The following SH3BGRL2 variants were observed in gnomAD, a reference collection of about 807,000 sequenced individuals.
SH3BGRL2 encodes the protein SH3 domain binding glutamate rich protein like 2.
SH3BGRL2 carries 21 observed loss-of-function variants against 14.8 expected under a neutral mutation model. That is an observed-to-expected ratio of 1.42 (90% CI 1.01 to 2.05). The LOEUF is 2.05. Ranked by LOEUF, SH3BGRL2 falls within the 30% of genes most tolerant of loss-of-function variation. SH3BGRL2 has a pLI of 0.00. For missense variants in SH3BGRL2, 147 were observed against 130.8 expected (o/e 1.12, Z -0.61); for synonymous variants, 50 against 47.8 (o/e 1.05, Z -0.19).
At chr6:79,675,804 A>G (rs1410322033) in intron 2 of SH3BGRL2, among the ~76,000 whole-genome samples, 1 of 146,848 alleles carries the variant, frequency 6.8e-6, no homozygotes, top group African/African-American at 2.5e-5. Flanking sequence ...AATATGATTT[A>G]TTTGAAGTTT....
chr6:79,573,441 G>C, the SH3BGRL2 span, among the ~76,000 whole-genome samples: 1 of 152,042 alleles, frequency 6.6e-6, no homozygotes, highest in African/African-American at 2.4e-5. Flanking sequence ...CCACTTTGTA[G>C]TTTTTCTTCA....
the SH3BGRL2 span, among the ~76,000 whole-genome samples, chr6:79,552,149 C>A: frequency 6.6e-6 from 1 of 152,168 alleles, no homozygotes; most frequent in African/African-American, 2.4e-5. Flanking sequence ...TGTAACCTGG[C>A]AGGAGCCAGT....
At position 79,700,579 on chromosome 6, in the gene SH3BGRL2, C is replaced by T. The variant is rs1770434320; in HGVS notation, c.*1070C>T. The T allele has an allele frequency of 6.6e-6, 1 of 152,026 alleles. No homozygotes were observed. The highest frequency in any genetic ancestry group is 1.5e-5 in the Non-Finnish European group (1 of 68,014). 9.4% of individuals were successfully genotyped at this position (152,026 alleles called of 1,614,324 possible). ...GCTCATATTTCTGGCCAATGTACAG[C>T]CTCATATTTTTCAGAGTAATACAGA... On this transcript the variant is annotated 3_prime_UTR_variant, in exon 4 of 4. Coordinates refer to ENST00000369838, the MANE Select transcript of SH3BGRL2 (RefSeq NM_031469.4).
At chr6:79,651,445 C>T (rs557465911) in intron 1 of SH3BGRL2, among the ~76,000 whole-genome samples, 7 of 152,130 alleles carry the variant, frequency 4.6e-5, no homozygotes, top group African/African-American at 1.7e-4. Flanking sequence ...CAGTAAAATC[C>T]AACCACCCTC....
the SH3BGRL2 span, among the ~76,000 whole-genome samples, chr6:79,576,077 T>A: frequency 6.6e-6 from 1 of 152,166 alleles, no homozygotes; most frequent in African/African-American, 2.4e-5. Context: ...TGATAGCCTA[T>A]TCCCTAAACA....
At chr6:79,676,639 G>GTGTA (rs1485006997) in intron 2 of SH3BGRL2, among the ~76,000 whole-genome samples, 1 of 137,628 alleles carries the variant, frequency 7.3e-6, no homozygotes, top group South Asian at 2.3e-4. Context: ...GTGTGTGTGT[G>GTGTA]TATATATATA....
the SH3BGRL2 span, among the ~76,000 whole-genome samples, chr6:79,624,844 C>A: frequency 3.3e-5 from 5 of 151,332 alleles, no homozygotes; most frequent in African/African-American, 1.2e-4. Flanking sequence ...AAATAAAGAA[C>A]CCTATTGGTT....
the SH3BGRL2 span, among the ~76,000 whole-genome samples, chr6:79,588,135 T>C: frequency 6.6e-6 from 1 of 151,626 alleles, no homozygotes; most frequent in African/African-American, 2.4e-5. Context: ...CTACTAAAAA[T>C]ACAAAAAATT....
At chr6:79,540,460 A>AAAT in the SH3BGRL2 span, among the ~76,000 whole-genome samples, 1 of 148,070 alleles carries the variant, frequency 6.8e-6, no homozygotes, top group Non-Finnish European at 1.5e-5. Flanking sequence ...AATAAATAAA[A>AAAT]TAAATAAATA....
At chr6:79,635,493 A>C (rs1768905082) in intron 1 of SH3BGRL2, among the ~76,000 whole-genome samples, 1 of 152,244 alleles carries the variant, frequency 6.6e-6, no homozygotes, top group Non-Finnish European at 1.5e-5. Flanking sequence ...TAGGTGATGT[A>C]AGGTGCTAGG....
chr6:79,575,220 G>A, the SH3BGRL2 span: 1 of 152,116 alleles, frequency 6.6e-6, no homozygotes, highest in Non-Finnish European at 1.5e-5. Context: ...CTGTATAGTA[G>A]AACTTTCGAA....
chr6:79,552,051 C>T, the SH3BGRL2 span, among the ~76,000 whole-genome samples: 1 of 152,122 alleles, frequency 6.6e-6, no homozygotes. Context: ...GATTGTGCCA[C>T]TTTACTCCAG....
intron 2 of SH3BGRL2, among the ~76,000 whole-genome samples, chr6:79,695,938 A>G (rs1201996412): frequency 6.6e-6 from 1 of 152,234 alleles, no homozygotes; most frequent in Non-Finnish European, 1.5e-5. Context: ...AATATTATAG[A>G]GAATATAGTT....
chr6:79,589,366 T>C, the SH3BGRL2 span, among the ~76,000 whole-genome samples: 1 of 152,072 alleles, frequency 6.6e-6, no homozygotes, highest in Non-Finnish European at 1.5e-5. Context: ...ACACTGATTT[T>C]ATTAATTTAC....
At chr6:79,540,455 A>G in the SH3BGRL2 span, among the ~76,000 whole-genome samples, 1 of 151,758 alleles carries the variant, frequency 6.6e-6, no homozygotes, top group African/African-American at 2.4e-5. Flanking sequence ...AAATAAATAA[A>G]TAAAATAAAT....
intron 1 of SH3BGRL2, among the ~76,000 whole-genome samples, chr6:79,659,424 G>A (rs1262778193): frequency 1.3e-5 from 2 of 152,104 alleles, no homozygotes; most frequent in East Asian, 3.9e-4. Flanking sequence ...TTTTTGTCAG[G>A]TTTGTCAAAG....
At chr6:79,656,953 G>A (rs1045175821) in intron 1 of SH3BGRL2, among the ~76,000 whole-genome samples, 2 of 152,154 alleles carry the variant, frequency 1.3e-5, no homozygotes, top group Non-Finnish European at 2.9e-5. Flanking sequence ...AAATAAAGGT[G>A]TCACCAAATT....
chr6:79,582,130 A>G, the SH3BGRL2 span, among the ~76,000 whole-genome samples: 1 of 152,192 alleles, frequency 6.6e-6, no homozygotes, highest in Non-Finnish European at 1.5e-5. Flanking sequence ...TCCATGAAAT[A>G]AAAGAGGACA....
chr6:79,658,868 T>G (rs1769480599), intron 1 of SH3BGRL2, among the ~76,000 whole-genome samples: 1 of 152,258 alleles, frequency 6.6e-6, no homozygotes, highest in Non-Finnish European at 1.5e-5. Flanking sequence ...ATTGTGGTTT[T>G]GATTTGCATT....
Sources: allele counts gnomAD v4.1 joint callset (sites outside exome capture counted in the v4.1 genomes callset), GRCh38; gene constraint gnomAD v4.1.1; transcripts MANE v1.5; gene names NCBI Gene and HGNC (gene_info 2026-07-23, HGNC 2026-07-21).